Variants in B4GALNT4 observed in about 807,000 individuals in gnomAD.
The protein encoded by B4GALNT4 is beta-1,4-N-acetyl-galactosaminyltransferase 4.
In B4GALNT4, 77 loss-of-function variants were observed where a neutral mutation model predicts 110.0. That is an observed-to-expected ratio of 0.70 (90% confidence interval 0.58 to 0.85). The LOEUF (loss-of-function observed/expected upper bound fraction) is 0.85, where lower values mean the gene tolerates loss of function less well. Among genes scored for constraint, B4GALNT4 ranks in the 40% least tolerant of loss-of-function variants. The pLI is 0.00. For missense variants in B4GALNT4, 1,575 were observed against 1,506.0 expected (o/e 1.05, Z -0.76); for synonymous variants, 785 against 655.5 (o/e 1.20, Z -3.02).
intron 11 of B4GALNT4, 48 bp from the exon 12 acceptor site, chr11:376,026 C>T (rs1263386842): frequency 1.9e-6 from 3 of 1,602,250 alleles, no homozygotes; most frequent in South Asian, 2.2e-5. Context: ...CTTGGGAGGC[C>T]GCCCCGGGAG....
Position 373,442 on chromosome 11 carries a change from C to T in B4GALNT4, c.637-7C>T, listed in dbSNP as rs770952380. On this transcript the variant is annotated splice_region_variant and splice_polypyrimidine_tract_variant and intron_variant, in intron 6 of 19. Transcript: ENST00000329962. ...CCCACCACCACCCCTGCTCTATCAC[C>T]CCCCAGACTGGCTCCGAGTGGACAG... 6.5e-7 allele frequency: 1 copy of T among 1,547,540 alleles called. No individual in the cohort carries two copies. The highest frequency in any genetic ancestry group is 1.1e-5 in the South Asian group (1 of 89,590).
chr11:380,985 C>A, intron 19 of B4GALNT4, 34 bp downstream of exon 19: 2 of 1,597,800 alleles, frequency 1.3e-6, no homozygotes, highest in Non-Finnish European at 1.7e-6. Context: ...AGGTGACACC[C>A]TGACCCCTGC....
At position 376,065 on chromosome 11, in the gene B4GALNT4, AC is replaced by A. The variant is rs754043016; in HGVS notation, c.1096-3del. On this transcript the variant is annotated splice_polypyrimidine_tract_variant and splice_region_variant and intron_variant, in intron 11 of 19. Transcript: ENST00000329962. Reference sequence around the variant, plus strand: ...CGCGCCCTGAGCCCTGCGCCCCCCCACCCCCCAGGTGTACCTGTCCTTCGTT... The same window carrying A: ...CGCGCCCTGAGCCCTGCGCCCCCCCACCCCCAGGTGTACCTGTCCTTCGTT... 5.0e-4 allele frequency: 518 copies of A among 1,028,750 alleles called. No individual in the cohort carries two copies. The highest frequency in any genetic ancestry group is 6.8e-4 in the Non-Finnish European group (477 of 706,566). The allele number at this position is 1,028,750 out of a possible 1,614,324, so 63.7% of individuals were successfully genotyped here.
At position 372,962 on chromosome 11, in the gene B4GALNT4, T is replaced by C; in HGVS notation, c.444+15T>C. 1.6e-6 allele frequency: 2 copies of C among 1,262,950 alleles called. No individual in the cohort carries two copies. The allele number at this position is 1,262,950 out of a possible 1,614,324, so 78.2% of individuals were successfully genotyped here. ...TGTTCCCTCATGTGAGTGCCGGGGT[T>C]GGGGGGTGCCGGGTGGGCAGGGCAC... On this transcript the variant is annotated intron_variant, in intron 4 of 19. Transcript: ENST00000329962.
Position 376,797 on chromosome 11 carries a change from G to A in B4GALNT4, c.1674G>A (p.Arg558=). 12 of 1,384,322 alleles carry A rather than the reference G, an allele frequency of 8.7e-6. No homozygotes were observed. The highest frequency in any genetic ancestry group is 1.1e-5 in the Non-Finnish European group (12 of 1,070,016). 85.8% of individuals were successfully genotyped at this position (1,384,322 alleles called of 1,614,324 possible). A position where few individuals can be genotyped will look rare whatever the true frequency, so the allele number is the denominator to read the frequency against. The change falls in exon 14 of 20, where the codon AGG becomes AGA. Residue 558 remains arginine, a synonymous_variant. Transcript: ENST00000329962. ...TCCCTGGCGTCTTCCTGCACCCCAG[G>A]CCTCTGCCCAGAGTGCAGCTGCGGG... ...PPFPGVFLHP[R]PLPRVQLRAP...
At position 376,120 on chromosome 11, in the gene B4GALNT4, A is replaced by G. The variant is rs1413339750; in HGVS notation, c.1142A>G (p.His381Arg). 6 of 1,565,528 alleles carry G rather than the reference A, an allele frequency of 3.8e-6. No homozygotes were observed. The highest frequency in any genetic ancestry group is 4.3e-6 in the Non-Finnish European group (5 of 1,157,544). The change falls in exon 12 of 20, where the codon CAC (histidine) becomes CGC (arginine). Residue 381 changes from histidine (H) to arginine (R), a missense_variant. Transcript: ENST00000329962. ...VYPNDYTRLT[H>R]METDNKCFYR... Reference sequence around the variant, plus strand: ...CCCAACGACTACACTCGCCTCACCCACATGGAGACGGACAACAAGTGCTTC... The same window carrying G: ...CCCAACGACTACACTCGCCTCACCCGCATGGAGACGGACAACAAGTGCTTC...
Position 372,664 on chromosome 11 carries a change from C to T in B4GALNT4, c.258C>T (p.Pro86=), listed in dbSNP as rs368072591. ...SSESREEEQA[P]EGRDLDMLFP... ...CTGTTGCCTTTTCTCTCCTGCAGCC[C>T]GAAGGTCGGGACCTAGACATGCTGT... Residue 86 remains proline (P), a splice_region_variant and synonymous_variant, in exon 3 of 20, where the codon CCC becomes CCT. Transcript: ENST00000329962. The T allele has an allele frequency of 1.9e-5, 31 of 1,611,412 alleles. No homozygotes were observed. Among genetic ancestry groups the T allele is most frequent in the African/African-American group, 6.7e-5 (5 of 74,946 alleles).
At position 372,705 on chromosome 11, in the gene B4GALNT4, G is replaced by A; in HGVS notation, c.299G>A (p.Gly100Glu). 1 of 1,611,574 alleles carries A rather than the reference G, an allele frequency of 6.2e-7. No homozygotes were observed. The highest frequency in any genetic ancestry group is 8.5e-7 in the Non-Finnish European group (1 of 1,179,638). The change falls in exon 3 of 20, where the codon GGG becomes GAG. Residue 100 changes from glycine to glutamate, a missense_variant. By Grantham distance (98) the Gly-to-Glu change is moderately conservative. Coordinates refer to ENST00000329962, the MANE Select transcript of B4GALNT4 (RefSeq NM_178537.5). Reference protein sequence around the residue: ...DLDMLFPGGAGRLPLNFTHQT... With the variant: ...DLDMLFPGGAERLPLNFTHQT... ...GACATGCTGTTTCCTGGGGGGGCTG[G>A]GAGGCTGCCACTGAACTTCACCCAT...
At chr11:378,337 C>T (rs1044139391) in intron 14 of B4GALNT4, among the ~76,000 whole-genome samples, 2 of 152,104 alleles carry the variant, frequency 1.3e-5, no homozygotes, top group African/African-American at 4.8e-5. Flanking sequence ...GCGGTGGGTG[C>T]TGGATTCTAG....
rs116235888 is a variant in B4GALNT4, at chr11:377,139, C to T, written c.2016C>T (p.Leu672=). ...EDSEEAAGPA[L]GRWREDAIDW... Reference sequence around the variant, plus strand: ...GCGAGGAGGCCGCGGGCCCGGCGCTCGGACGCTGGCGTGAGGACGCCATCG... The same window carrying T: ...GCGAGGAGGCCGCGGGCCCGGCGCTTGGACGCTGGCGTGAGGACGCCATCG... The change falls in exon 14 of 20, where the codon CTC becomes CTT. Residue 672 remains leucine (L), a synonymous_variant. Coordinates refer to ENST00000329962, the MANE Select transcript of B4GALNT4 (RefSeq NM_178537.5). 28 of 1,521,636 alleles carry T rather than the reference C, an allele frequency of 1.8e-5. No homozygotes were observed. The highest frequency in any genetic ancestry group is 4.3e-5 in the African/African-American group (3 of 70,420). The allele number at this position is 1,521,636 out of a possible 1,614,324, so 94.3% of individuals were successfully genotyped here. A position where few individuals can be genotyped will look rare whatever the true frequency, so the allele number is the denominator to read the frequency against.
At position 373,753 on chromosome 11, in the gene B4GALNT4, C is replaced by T. The variant is rs1364306597; in HGVS notation, c.708C>T (p.Leu236=). The change falls in exon 8 of 20, where the codon CTC becomes CTT. Residue 236 remains leucine, a synonymous_variant. Transcript: ENST00000329962. ...CCCTTGCTCCTCGTGTCCCCAGGCT[C>T]ATGGCCTCCCGGAGGTACTACTTTG... ...FSSQVSKPRR[L]MASRRYYFEL... 6.2e-6 allele frequency: 10 copies of T among 1,612,320 alleles called. No individual in the cohort carries two copies. The East Asian group carries it at 1.1e-4, about 18-fold the overall frequency.
Position 373,115 on chromosome 11 carries a change from C to A in B4GALNT4, c.534C>A (p.Asp178Glu), listed in dbSNP as rs374188537. 1 of 1,612,536 alleles carries A rather than the reference C, an allele frequency of 6.2e-7. No individual in the cohort carries two copies. The highest frequency in any genetic ancestry group is 8.5e-7 in the Non-Finnish European group (1 of 1,179,868). ...TTGGTTTCATCCACCCGGCGAGGGACGGTACGGGGGTGAGGGTGCCCCGGG... is the reference window on the plus strand; with the variant it reads ...TTGGTTTCATCCACCCGGCGAGGGAAGGTACGGGGGTGAGGGTGCCCCGGG... ...RIFGFIHPAR[D>E]GDVQFSVASD... The change falls in exon 5 of 20, where the codon GAC (aspartate) becomes GAA (glutamate). Residue 178 changes from aspartate (D) to glutamate (E), a missense_variant and splice_region_variant. Asp to Glu is a conservative substitution (Grantham distance 45, BLOSUM62 2). Coordinates refer to ENST00000329962, the MANE Select transcript of B4GALNT4 (RefSeq NM_178537.5).
In B4GALNT4 at chr11:376,709, G is replaced by A. The variant is rs1468013732; in HGVS notation, c.1586G>A (p.Arg529Lys). 5.7e-6 allele frequency: 8 copies of A among 1,411,708 alleles called. No homozygotes were observed. In the African/African-American group the frequency reaches 6.1e-5, roughly 11 times the overall value. 87.4% of individuals were successfully genotyped at this position (1,411,708 alleles called of 1,614,324 possible). Residue 529 changes from arginine (R) to lysine (K), a missense_variant, in exon 14 of 20, where the codon AGG becomes AAG. Physicochemically the swap from Arg to Lys is conservative, Grantham distance 26. Coordinates refer to ENST00000329962, the MANE Select transcript of B4GALNT4 (RefSeq NM_178537.5). ...EQPPPKVYVT[R>K]VRPGQRASPR... ...CCGCCCCCAAAGGTGTACGTGACCA[G>A]GGTGCGGCCGGGACAGCGGGCATCC...
intron 7 of B4GALNT4, 24 bp from the exon 8 acceptor site, chr11:373,726 G>A (rs769324574): frequency 3.8e-5 from 61 of 1,610,744 alleles, no homozygotes; most frequent in African/African-American, 6.7e-5. Context: ...TGCATGGCAC[G>A]ACCCTTGCTC....
Position 379,600 on chromosome 11 carries a change from C to T in B4GALNT4, c.2387C>T (p.Pro796Leu), listed in dbSNP as rs777661196. ...VGDADGESPE[P>L]APAASVRPDG... ...GATGCAGACGGAGAAAGTCCCGAAC[C>T]CGCTCCCGCCGCCTCCGTGCGCCCC... Residue 796 changes from proline (P) to leucine (L), a missense_variant, in exon 15 of 20, where the codon CCC (proline) becomes CTC (leucine). Coordinates refer to ENST00000329962, the MANE Select transcript of B4GALNT4 (RefSeq NM_178537.5). The T allele has an allele frequency of 1.2e-5, 19 of 1,557,144 alleles. No individual in the cohort carries two copies. Among genetic ancestry groups the T allele is most frequent in the Non-Finnish European group, 1.6e-5 (18 of 1,154,516 alleles).
At chr11:380,772 G>A in intron 18 of B4GALNT4, 53 bp from the exon 19 acceptor site, 1 of 1,585,114 alleles carries the variant, frequency 6.3e-7, no homozygotes, top group Non-Finnish European at 8.5e-7. Context: ...TTTGCCGGGG[G>A]GACCTTGCAG....
At chr11:375,803 C>CA (rs1564869977) in intron 10 of B4GALNT4, 30 bp downstream of exon 10, 8 of 1,602,178 alleles carry the variant, frequency 5.0e-6, no homozygotes, top group Non-Finnish European at 6.8e-6. Context: ...GGGGCGAGGG[C>CA]GGGGGTGCCT....
At chr11:379,274 C>T (rs2133579021) in intron 14 of B4GALNT4, 144 bp from the exon 15 acceptor site, 2 of 931,078 alleles carry the variant, frequency 2.1e-6, no homozygotes, top group South Asian at 1.9e-5. Context: ...GCTGGGCCAA[C>T]CTGGAGGGGC....
chr11:371,952 A>G (rs186101065), intron 1 of B4GALNT4, among the ~76,000 whole-genome samples, 157 bp from the exon 2 acceptor site: 1 of 152,358 alleles, frequency 6.6e-6, no homozygotes, highest in East Asian at 1.9e-4. Flanking sequence ...CTGGTGGCAG[A>G]GGAAGCAGAT....
Sources: allele counts gnomAD v4.1 joint callset (sites outside exome capture counted in the v4.1 genomes callset), GRCh38; gene constraint gnomAD v4.1.1; transcripts MANE v1.5; gene names NCBI Gene and HGNC (gene_info 2026-07-23, HGNC 2026-07-21).